Variants in LHCGR observed in about 807,000 individuals in gnomAD.
LHCGR encodes luteinizing hormone/choriogonadotropin receptor, also known as lutropin-choriogonadotropic hormone receptor.
LHCGR carries 55 observed loss-of-function variants against 60.7 expected under a neutral mutation model. The observed-to-expected ratio is 0.91, with a 90% CI of 0.73 to 1.13. The LOEUF is 1.13. Among genes scored for constraint, LHCGR ranks in the 50% most tolerant of loss-of-function variants. The pLI, the probability that LHCGR is intolerant of heterozygous loss-of-function variation, is 0.00. For synonymous variants in LHCGR, 337 were observed against 316.5 expected (o/e 1.06, Z -0.69); for missense variants, 862 against 836.0 (o/e 1.03, Z -0.38).
chr2:48,698,829 T>A (rs749969476), intron 8 of LHCGR, 29 bp from the exon 9 acceptor site: 2 of 1,555,154 alleles, frequency 1.3e-6, no homozygotes, highest in South Asian at 1.1e-5. Flanking sequence ...AAATGCTTTT[T>A]ATTTATTTAT....
chr2:48,744,437 T>G (rs1217393784), intron 1 of LHCGR, among the ~76,000 whole-genome samples: 2 of 93,740 alleles, frequency 2.1e-5, no homozygotes, highest in Non-Finnish European at 4.1e-5. Flanking sequence ...CTACCTGACT[T>G]CAAACTATAC....
At chr2:48,709,115 A>T in intron 7 of LHCGR, 93 bp from the exon 8 acceptor site, 1 of 954,560 alleles carries the variant, frequency 1.0e-6, no homozygotes, top group East Asian at 2.4e-5. Flanking sequence ...AGCTATGTGC[A>T]TGATGTATAG....
intron 9 of LHCGR, among the ~76,000 whole-genome samples, chr2:48,696,908 T>C (rs959728072): frequency 6.6e-6 from 1 of 152,160 alleles, no homozygotes; most frequent in South Asian, 2.1e-4. Context: ...TAAACCAGTA[T>C]CTCTGTCATT....
At position 48,725,674 on chromosome 2, in the gene LHCGR, A is replaced by G. The variant is rs200639521; in HGVS notation, c.383+2T>C. ...AATTGCTTAAAAAGGAAAATTTCTC[A>G]CAAGTATTTTAATCGGGGAAGATTT... On this transcript the variant is annotated splice_donor_variant, in intron 4 of 10. Coordinates refer to ENST00000294954, the MANE Select transcript of LHCGR (RefSeq NM_000233.4). LOFTEE classifies it high-confidence loss of function. The G allele has an allele frequency of 9.3e-5, 150 of 1,609,212 alleles. No individual in the cohort carries two copies. Among genetic ancestry groups the G allele is most frequent in the Non-Finnish European group, 1.2e-4 (146 of 1,175,806 alleles).
chr2:48,711,115 C>G (rs181162413), intron 7 of LHCGR, among the ~76,000 whole-genome samples: 1 of 152,264 alleles, frequency 6.6e-6, no homozygotes, highest in Admixed American at 6.5e-5. Context: ...CTTTCTGTAA[C>G]GTGCTTCCCT....
chr2:48,710,728 G>A (rs1049131710), intron 7 of LHCGR, among the ~76,000 whole-genome samples: 1 of 152,196 alleles, frequency 6.6e-6, no homozygotes, highest in South Asian at 2.1e-4. Flanking sequence ...GCCACCTTCT[G>A]CGGCTGCCCC....
At chr2:48,717,508 G>A (rs1301136844) in intron 6 of LHCGR, among the ~76,000 whole-genome samples, 1 of 151,338 alleles carries the variant, frequency 6.6e-6, no homozygotes, top group Non-Finnish European at 1.5e-5. Flanking sequence ...TTATAAGTAG[G>A]TTCTGGAATA....
rs142554296 is a variant in LHCGR at position 48,723,654 on chromosome 2, C to A, written c.426G>T (p.Thr142=). 1 of 1,613,926 alleles carries A rather than the reference C, an allele frequency of 6.2e-7. No homozygotes were observed. Among genetic ancestry groups the A allele is most frequent in the East Asian group, 2.2e-5 (1 of 44,864 alleles). ...AATTTGATTCAGAGGAGAAGACCTTCGTAACATCTGGAAACTTTCTGATGC... is the reference window on the plus strand; with the variant it reads ...AATTTGATTCAGAGGAGAAGACCTTAGTAACATCTGGAAACTTTCTGATGC... ...NTGIRKFPDV[T]KVFSSESNFI... is the part of the protein sequence containing the mutation. The change falls in exon 5 of 11, where the codon ACG becomes ACT. Residue 142 remains threonine, a synonymous_variant. Coordinates refer to ENST00000294954, the MANE Select transcript of LHCGR (RefSeq NM_000233.4).
At chr2:48,754,654 G>A (rs528682732) in intron 1 of LHCGR, among the ~76,000 whole-genome samples, 2 of 148,940 alleles carry the variant, frequency 1.3e-5, no homozygotes, top group South Asian at 2.2e-4. Context: ...CCTCCCATCC[G>A]CTTCCCCAGC....
chr2:48,698,749 G>T lies in LHCGR; in HGVS notation c.732C>A (p.Ser244=), dbSNP rs1297774831. 6.2e-7 allele frequency: 1 copy of T among 1,614,054 alleles called. No homozygotes were observed. Residue 244 remains serine, a synonymous_variant, in exon 9 of 11, where the codon TCC becomes TCA. Transcript: ENST00000294954. The stretch of plus-strand genomic sequence containing the variant: ...ATGACGTGGCAATTAGCCTCTGAAT[G>T]GACTCTAGGCCATAGCTCGGCAGGG... ...LQALPSYGLE[S]IQRLIATSSY...
chr2:48,708,906 G>C (rs1323915754), intron 8 of LHCGR, 42 bp downstream of exon 8: 1 of 1,495,704 alleles, frequency 6.7e-7, no homozygotes, highest in African/African-American at 1.4e-5. Flanking sequence ...GTCCTGTTGG[G>C]GTACACTGGG....
intron 7 of LHCGR, among the ~76,000 whole-genome samples, chr2:48,711,254 G>A (rs781105762): frequency 1.3e-5 from 2 of 152,004 alleles, no homozygotes; most frequent in Non-Finnish European, 2.9e-5. Flanking sequence ...TCAGTAACAG[G>A]TTATTTCCTT....
chr2:48,753,734 A>G (rs974122710), intron 1 of LHCGR, among the ~76,000 whole-genome samples: 1 of 152,074 alleles, frequency 6.6e-6, no homozygotes, highest in Non-Finnish European at 1.5e-5. Context: ...TTGAAAAGGA[A>G]CTGGGACTTG....
At chr2:48,694,462 G>C (rs543127807) in intron 9 of LHCGR, among the ~76,000 whole-genome samples, 158 bp from the exon 10 acceptor site, 29 of 152,258 alleles carry the variant, frequency 1.9e-4, no homozygotes, top group African/African-American at 6.3e-4. Flanking sequence ...CCTGAGGAGA[G>C]AGTAAAGGCT....
At chr2:48,715,611 T>C (rs952006958) in intron 6 of LHCGR, among the ~76,000 whole-genome samples, 4 of 152,070 alleles carry the variant, frequency 2.6e-5, no homozygotes, top group Admixed American at 2.6e-4. Flanking sequence ...CTCTAGTCTT[T>C]GTTAAACAAA....
intron 8 of LHCGR, among the ~76,000 whole-genome samples, chr2:48,706,371 CT>C (rs1393586517): frequency 6.6e-6 from 1 of 152,110 alleles, no homozygotes; most frequent in Non-Finnish European, 1.5e-5. Flanking sequence ...AGTTATGTGT[CT>C]TGGGATGGCT....
chr2:48,723,759 C>A (rs1299343529), intron 4 of LHCGR, 63 bp from the exon 5 acceptor site: 29 of 1,199,248 alleles, frequency 2.4e-5, no homozygotes, highest in Non-Finnish European at 3.5e-5. Context: ...GTCATTAAGA[C>A]ATAAAGATAA....
intron 6 of LHCGR, among the ~76,000 whole-genome samples, chr2:48,717,129 A>T (rs551631806): frequency 3.9e-5 from 6 of 152,302 alleles, no homozygotes; most frequent in Admixed American, 2.0e-4. Context: ...CTTCTAAGTG[A>T]TGATCGCACT....
chr2:48,727,445 CCTT>C (rs1668785870), intron 3 of LHCGR, among the ~76,000 whole-genome samples: 1 of 152,140 alleles, frequency 6.6e-6, no homozygotes. Flanking sequence ...AGTCTTAGGA[CCTT>C]CTTTGGGAAT....
Sources: gnomAD v4.1 joint callset for allele counts (sites outside exome capture counted in the v4.1 genomes callset) on GRCh38, gnomAD v4.1.1 for gene constraint, MANE v1.5 for transcripts, NCBI Gene and HGNC (gene_info 2026-07-23, HGNC 2026-07-21) for gene names.